Variants in SP6 observed in about 807,000 individuals in gnomAD.
SP6 encodes the protein Sp6 transcription factor.
A neutral mutation model predicts 23.4 loss-of-function variants in SP6; 10 were observed. That is an observed-to-expected ratio of 0.43 (90% CI 0.26 to 0.72). The LOEUF is 0.72. Among genes scored for constraint, SP6 ranks in the 30% least tolerant of loss-of-function variants. SP6 has a pLI of 0.23. For synonymous variants in SP6, 238 were observed against 238.7 expected (o/e 1.00, Z 0.03); for missense variants, 482 against 523.8 (o/e 0.92, Z 0.78).
At chr17:47,861,279 G>C in the SP6 span, among the ~76,000 whole-genome samples, 1 of 152,148 alleles carries the variant, frequency 6.6e-6, no homozygotes, top group Admixed American at 6.5e-5. Context: ...GCCGGGGTGG[G>C]GGCCTGTCTG....
chr17:47,847,357 T>C lies in SP6; in HGVS notation c.1073A>G (p.Glu358Gly), dbSNP rs2143646683. Residue 358 changes from glutamate to glycine, a missense_variant, in exon 2 of 2, where the codon GAG (glutamate) becomes GGG (glycine). Transcript: ENST00000536300. ...SGEGKAGGAV[E>G]PPGGKGKREA... ...GCGTTTGCCTTTGCCCCCGGGGGGC[T>C]CCACTGCGCCGCCGGCCTTGCCCTC... is the stretch of plus-strand genomic sequence containing the variant. 1 of 1,603,492 alleles carries C rather than the reference T, an allele frequency of 6.2e-7. No homozygotes were observed. Among genetic ancestry groups the C allele is most frequent in the Non-Finnish European group, 8.5e-7 (1 of 1,175,306 alleles).
chr17:47,855,051 A>C (rs2033988461), upstream of SP6, among the ~76,000 whole-genome samples: 2 of 152,180 alleles, frequency 1.3e-5, no homozygotes, highest in Non-Finnish European at 2.9e-5. Flanking sequence ...TTCATTCAAC[A>C]AACACTTATC....
upstream of SP6, among the ~76,000 whole-genome samples, chr17:47,857,454 T>C (rs966251814): frequency 6.6e-6 from 1 of 152,370 alleles, no homozygotes; most frequent in Non-Finnish European, 1.5e-5. Context: ...CGGTTCCATA[T>C]GCTTAGGTAG....
At chr17:47,873,752 C>T in the SP6 span, among the ~76,000 whole-genome samples, 1 of 152,138 alleles carries the variant, frequency 6.6e-6, no homozygotes, top group African/African-American at 2.4e-5. Flanking sequence ...CTCAGGCCAA[C>T]ATAGGATGAA....
chr17:47,874,143 G>A, the SP6 span, among the ~76,000 whole-genome samples: 2 of 151,622 alleles, frequency 1.3e-5, no homozygotes, highest in Non-Finnish European at 2.9e-5. Context: ...CTGGAGTGCA[G>A]TGGAGCAATC....
rs928388772 is a variant in SP6, at chr17:47,850,985, G to C, written c.-124C>G. On this transcript the variant is annotated 5_prime_UTR_variant, in exon 1 of 2. Coordinates refer to ENST00000536300, the MANE Select transcript of SP6 (RefSeq NM_001258248.2). ...CTACTGACGGTCGCTCATAGGCCCTGTGCGCCGGCGAGCTCTCCAGCGGTA... is the reference window on the plus strand; with the variant it reads ...CTACTGACGGTCGCTCATAGGCCCTCTGCGCCGGCGAGCTCTCCAGCGGTA... 2.6e-5 allele frequency: 4 copies of C among 152,312 alleles called. No individual in the cohort carries two copies. Among genetic ancestry groups the C allele is most frequent in the Non-Finnish European group, 5.9e-5 (4 of 68,136 alleles). 9.4% of individuals were successfully genotyped at this position (152,312 alleles called of 1,614,324 possible). A position where few individuals can be genotyped will look rare whatever the true frequency, so the allele number is the denominator to read the frequency against.
At chr17:47,853,041 C>T (rs1051314761), upstream of SP6, among the ~76,000 whole-genome samples, 2 of 152,360 alleles carry the variant, frequency 1.3e-5, no homozygotes, top group South Asian at 2.1e-4. Flanking sequence ...CAGCCCTGCA[C>T]TTGCTAAACT....
the SP6 span, among the ~76,000 whole-genome samples, chr17:47,865,534 C>T: frequency 6.6e-6 from 1 of 152,132 alleles, no homozygotes; most frequent in Non-Finnish European, 1.5e-5. Flanking sequence ...GGCACCTGTT[C>T]CTGCTGTTGA....
At chr17:47,869,108 C>A in the SP6 span, among the ~76,000 whole-genome samples, 1 of 152,216 alleles carries the variant, frequency 6.6e-6, no homozygotes, top group Non-Finnish European at 1.5e-5. Context: ...GCAGGAGCTT[C>A]TCAGAACAGA....
At chr17:47,864,775 G>A in the SP6 span, 43 of 152,404 alleles carry the variant, frequency 2.8e-4, no homozygotes, top group African/African-American at 1.0e-3. Context: ...TCCAAGGCCC[G>A]GGATGTGCCC....
upstream of SP6, among the ~76,000 whole-genome samples, chr17:47,855,217 A>G (rs2033989640): frequency 6.6e-6 from 1 of 152,158 alleles, no homozygotes; most frequent in South Asian, 2.1e-4. Context: ...AAATGTGTGT[A>G]CATATTATGC....
chr17:47,858,797 G>A (rs1185043883), upstream of SP6, among the ~76,000 whole-genome samples: 1 of 58,198 alleles, frequency 1.7e-5, no homozygotes, highest in African/African-American at 5.9e-5. Flanking sequence ...TTTTTTTTGA[G>A]ACAGTCTCCC....
the SP6 span, among the ~76,000 whole-genome samples, chr17:47,873,701 T>C: frequency 6.6e-6 from 1 of 152,184 alleles, no homozygotes. Context: ...TTGAGCCAAA[T>C]GCTCTGCTTG....
upstream of SP6, among the ~76,000 whole-genome samples, chr17:47,859,394 C>T (rs1318531905): frequency 2.6e-5 from 4 of 152,258 alleles, no homozygotes; most frequent in Non-Finnish European, 4.4e-5. Flanking sequence ...ATCCGCACAT[C>T]ACTGGCATGC....
rs745519706 is a variant in SP6, at chr17:47,848,316, A to G, written c.114T>C (p.Pro38=). The change falls in exon 2 of 2, where the codon CCT becomes CCC. Residue 38 remains proline, a synonymous_variant. Coordinates refer to ENST00000536300, the MANE Select transcript of SP6 (RefSeq NM_001258248.2). The surrounding 1 kb of genome is among the most constrained non-coding windows in gnomAD (Gnocchi z 5.3). ...PLQTYQGHTS[P]EAGDYPSPLQ... is the part of the protein sequence containing the mutation. ...GCGGGGAGGGGTAGTCCCCGGCCTC[A>G]GGGCTCGTGTGGCCCTGGTAAGTTT... The G allele has an allele frequency of 1.2e-6, 2 of 1,610,756 alleles. No individual in the cohort carries two copies. The highest frequency in any genetic ancestry group is 1.3e-5 in the African/African-American group (1 of 74,822).
the SP6 span, among the ~76,000 whole-genome samples, chr17:47,867,373 C>T: frequency 6.6e-6 from 1 of 152,098 alleles, no homozygotes; most frequent in Non-Finnish European, 1.5e-5. Context: ...GATCCAGGGT[C>T]CTGGTTGTCA....
At chr17:47,864,001 C>CTTT in the SP6 span, among the ~76,000 whole-genome samples, 2 of 101,560 alleles carry the variant, frequency 2.0e-5, no homozygotes, top group African/African-American at 7.7e-5. Context: ...CCGCGCCTGG[C>CTTT]TTTTTTTTTT....
rs2033876398 is a variant in SP6, at chr17:47,845,568, G to A, written c.*1731C>T. On this transcript the variant is annotated 3_prime_UTR_variant, in exon 2 of 2. Transcript: ENST00000536300. ...CCCATATAGCTCCCAGACCTTGGCT[G>A]GGCTCCAGCATCTACAAAGGAGGAA... 6.6e-6 allele frequency: 1 copy of A among 152,354 alleles called. No homozygotes were observed. The highest frequency in any genetic ancestry group is 2.1e-4 in the South Asian group (1 of 4,810). The allele number at this position is 152,354 out of a possible 1,614,324, so 9.4% of individuals were successfully genotyped here. A position where few individuals can be genotyped will look rare whatever the true frequency, so the allele number is the denominator to read the frequency against.
chr17:47,867,393 GTCTA>G, the SP6 span, among the ~76,000 whole-genome samples: 1 of 152,154 alleles, frequency 6.6e-6, no homozygotes, highest in Non-Finnish European at 1.5e-5. Flanking sequence ...AATTCTTCGT[GTCTA>G]TCTAAGAATT....
Sources: gnomAD v4.1 joint callset for allele counts (sites outside exome capture counted in the v4.1 genomes callset) on GRCh38, gnomAD v4.1.1 for gene constraint, Gnocchi (gnomAD v3.1) non-coding constraint, MANE v1.5 for transcripts, NCBI Gene and HGNC (gene_info 2026-07-23, HGNC 2026-07-21) for gene names.